The following SEC23A variants were observed in gnomAD, a reference collection of about 807,000 sequenced individuals.
The protein encoded by SEC23A is protein transport protein Sec23A.
SEC23A carries 56 observed loss-of-function variants against 103.7 expected under a neutral mutation model. That is an observed-to-expected ratio of 0.54 (90% CI 0.44 to 0.67). SEC23A has a LOEUF of 0.67. Among genes scored for constraint, SEC23A ranks in the 30% least tolerant of loss-of-function variants. SEC23A has a pLI of 0.00. For synonymous variants in SEC23A, 281 were observed against 293.0 expected, an observed-to-expected ratio of 0.96 and a Z score of 0.42; for missense variants, 784 against 936.4, an observed-to-expected ratio of 0.84 and a Z score of 2.12.
Position 39,093,257 on chromosome 14 carries a change from A to T in SEC23A, c.222-13T>A, listed in dbSNP as rs750460692. 9.3e-6 allele frequency: 15 copies of T among 1,607,574 alleles called. No individual in the cohort carries two copies. In the Admixed American group the frequency reaches 2.5e-4, roughly 27 times the overall value. ...ATAATCCACTTGACTGTTTTAAAAA[A>T]AAAGAAAAGACATATCAGTTCATAT... is the stretch of plus-strand genomic sequence containing the variant. On this transcript the variant is annotated splice_polypyrimidine_tract_variant and intron_variant, in intron 2 of 19. Transcript: ENST00000307712.
intron 13 of SEC23A, among the ~76,000 whole-genome samples, chr14:39,055,741 G>A (rs1200937017): frequency 2.0e-5 from 3 of 152,222 alleles, no homozygotes; most frequent in Non-Finnish European, 2.9e-5. Flanking sequence ...AGAAGCCAGG[G>A]CTCAAAGGAA....
In SEC23A at chr14:39,077,283, C is replaced by T. The variant is rs1887066771; in HGVS notation, c.829-1190G>A. Among the ~76,000 whole-genome samples the T allele has an allele frequency of 5.5e-5, 8 of 146,232 alleles. 1 individual carries two copies. In the South Asian group the frequency reaches 1.8e-3, roughly 32 times the overall value. On this transcript the variant is annotated intron_variant, in intron 7 of 19. Coordinates refer to ENST00000307712, the MANE Select transcript of SEC23A (RefSeq NM_006364.4). ...AAGAGGCCCGGCACGGTGACTCACA[C>T]CTGTAATCCCAGCACTTTCAGAGGC...
intron 1 of SEC23A, among the ~76,000 whole-genome samples, chr14:39,098,150 T>G (rs1887955542): frequency 6.6e-6 from 1 of 151,846 alleles, no homozygotes; most frequent in South Asian, 2.1e-4. Context: ...AAGGGTGGTA[T>G]GAGCTTTCAA....
chr14:39,095,904 G>A lies in SEC23A; in HGVS notation c.215C>T (p.Pro72Leu), dbSNP rs1386418523. 6.2e-7 allele frequency: 1 copy of A among 1,607,532 alleles called. No individual in the cohort carries two copies. Among genetic ancestry groups the A allele is most frequent in the East Asian group, 2.2e-5 (1 of 44,832 alleles). ...SRTTCRAVLN[P>L]LCQVDYRAKL... ...TTCTATATATTTTACTTACCATAAA[G>A]GATTCAAAACTGCACGGCAAGTGGT... Residue 72 changes from proline (P) to leucine (L), a missense_variant, in exon 2 of 20, where the codon CCT (proline) becomes CTT (leucine). Transcript: ENST00000307712.
rs372641646 is a variant in SEC23A, at chr14:39,074,408, T to C, written c.1103+7A>G. 1.9e-6 allele frequency: 3 copies of C among 1,543,312 alleles called. No homozygotes were observed. Among genetic ancestry groups the C allele is most frequent in the Middle Eastern group, 1.7e-4 (1 of 5,928 alleles). On this transcript the variant is annotated splice_region_variant and intron_variant, in intron 9 of 19. Coordinates refer to ENST00000307712, the MANE Select transcript of SEC23A (RefSeq NM_006364.4). Reference sequence around the variant, plus strand: ...ATTACAAAAACTGTAAAAATTTAAATACATACCCAGTAAGGTTGGGACAGC... The same window carrying C: ...ATTACAAAAACTGTAAAAATTTAAACACATACCCAGTAAGGTTGGGACAGC...
At chr14:39,092,732 G>C (rs779742117) in intron 3 of SEC23A, 105 bp from the exon 4 acceptor site, 2 of 677,144 alleles carry the variant, frequency 3.0e-6, no homozygotes, top group Non-Finnish European at 5.1e-6. Flanking sequence ...TTTTAAAAAG[G>C]CATTTTCATT....
chr14:39,067,579 A>C (rs1312335112), intron 9 of SEC23A, among the ~76,000 whole-genome samples: 1 of 152,060 alleles, frequency 6.6e-6, no homozygotes, highest in East Asian at 1.9e-4. Flanking sequence ...CCACCATATT[A>C]CAAAATTCAA....
At chr14:39,083,816 C>T (rs1373955558) in intron 7 of SEC23A, among the ~76,000 whole-genome samples, 3 of 151,890 alleles carry the variant, frequency 2.0e-5, no homozygotes, top group South Asian at 4.1e-4. Flanking sequence ...CCACCCACCT[C>T]GGCCTCCCAC....
rs780598017 is a variant in SEC23A at position 39,093,181 on chromosome 14, T to C, written c.279+6A>G. On this transcript the variant is annotated splice_donor_region_variant and intron_variant, in intron 3 of 19. Transcript: ENST00000307712. Reference sequence around the variant, plus strand: ...TGCGCCCGGCATGCAATGGATGTTTTCTTACCTGATTCCTTTGGTAACAAA... The same window carrying C: ...TGCGCCCGGCATGCAATGGATGTTTCCTTACCTGATTCCTTTGGTAACAAA... The C allele has an allele frequency of 3.2e-5, 51 of 1,612,470 alleles. No individual in the cohort carries two copies. Among genetic ancestry groups the C allele is most frequent in the Non-Finnish European group, 4.2e-5 (50 of 1,179,616 alleles).
In SEC23A at chr14:39,045,649, G is replaced by C. The variant is rs547674515; in HGVS notation, c.1738-325C>G. Among the ~76,000 whole-genome samples, 11 of 152,228 alleles carry C rather than the reference G, an allele frequency of 7.2e-5. No homozygotes were observed. The South Asian group carries it at 2.3e-3, about 32-fold the overall frequency. On this transcript the variant is annotated intron_variant, in intron 15 of 19. Coordinates refer to ENST00000307712, the MANE Select transcript of SEC23A (RefSeq NM_006364.4). ...CTTGGGGCCCAGGAGTTGGAGACCA[G>C]TCTAGGCAACATAACAAGACTTTGT...
rs750853379 is a variant in SEC23A at position 39,059,278 on chromosome 14, T to TAAAAAAAAAAAAAAA, written c.1505+2472_1505+2486dup. Among the ~76,000 whole-genome samples the TAAAAAAAAAAAAAAA allele has an allele frequency of 1.5e-3, 105 of 71,816 alleles. 6 individuals are homozygous for TAAAAAAAAAAAAAAA. Among genetic ancestry groups the TAAAAAAAAAAAAAAA allele is most frequent in the African/African-American group, 4.2e-3 (82 of 19,492 alleles). 47.1% of individuals were successfully genotyped at this position (71,816 alleles called of 152,430 possible). ...GGCCCCTAAAGTCATAGTCCTAGTT[T>TAAAAAAAAAAAAAAA]AAAAAAAAAAAAAAAAAAAAAAAAA... On this transcript the variant is annotated intron_variant, in intron 13 of 19. Coordinates refer to ENST00000307712, the MANE Select transcript of SEC23A (RefSeq NM_006364.4).
At chr14:39,037,691 T>A (rs543013202) in intron 19 of SEC23A, among the ~76,000 whole-genome samples, 1 of 152,334 alleles carries the variant, frequency 6.6e-6, no homozygotes, top group African/African-American at 2.4e-5. Flanking sequence ...TTATCTGATA[T>A]ATGATCTATA....
chr14:39,073,603 CTTTTTTTTTTT>C (rs905464578), intron 9 of SEC23A, among the ~76,000 whole-genome samples: 1 of 83,912 alleles, frequency 1.2e-5, no homozygotes, highest in African/African-American at 4.6e-5. Context: ...TCTGATTCCT[CTTTTTTTTTTT>C]TTTTTTTTTT....
intron 15 of SEC23A, among the ~76,000 whole-genome samples, chr14:39,047,169 C>T (rs1358035022): frequency 6.6e-6 from 1 of 152,170 alleles, no homozygotes; most frequent in South Asian, 2.1e-4. Flanking sequence ...CCAGGGTCCT[C>T]TGCTTCCTAT....
intron 7 of SEC23A, among the ~76,000 whole-genome samples, chr14:39,078,870 T>C (rs950865951): frequency 2.6e-4 from 40 of 152,040 alleles, no homozygotes; most frequent in Admixed American, 2.2e-3. Flanking sequence ...GTAACAAATA[T>C]AGAATAGAAA....
At chr14:39,084,109 C>T (rs1015839165) in intron 7 of SEC23A, among the ~76,000 whole-genome samples, 4 of 152,102 alleles carry the variant, frequency 2.6e-5, no homozygotes, top group East Asian at 1.9e-4. Flanking sequence ...GCAACCTCCA[C>T]CTTCCGGGTT....
intron 18 of SEC23A, 87 bp downstream of exon 18, chr14:39,040,645 C>T (rs535944401): frequency 4.0e-6 from 6 of 1,512,444 alleles, no homozygotes; most frequent in Non-Finnish European, 5.5e-6. Flanking sequence ...CTTTATGAAG[C>T]AATCTATTAA....
chr14:39,080,978 T>C (rs1887206516), intron 7 of SEC23A, among the ~76,000 whole-genome samples: 2 of 151,864 alleles, frequency 1.3e-5, no homozygotes, highest in African/African-American at 4.8e-5. Context: ...GCCAAGGTGG[T>C]AGGATCACTT....
In SEC23A at chr14:39,055,287, A is replaced by C; in HGVS notation, c.1515T>G (p.Asp505Glu). ...RVTTIARNWA[D>E]AQTQIQNIAA... ...CAATGTTTTGGATTTGAGTTTGAGC[A>C]TCTGCCCAGCTGAAGACAATAAGAA... is the stretch of plus-strand genomic sequence containing the variant. The change falls in exon 14 of 20, where the codon GAT becomes GAG. Residue 505 changes from aspartate to glutamate, a missense_variant. This residue lies in a region of SEC23A where 683 missense variants were observed against 774.2 expected (regional missense o/e 0.88). Coordinates refer to ENST00000307712, the MANE Select transcript of SEC23A (RefSeq NM_006364.4). 4 of 1,614,168 alleles carry C rather than the reference A, an allele frequency of 2.5e-6. No homozygotes were observed. Among genetic ancestry groups the C allele is most frequent in the Non-Finnish European group, 3.4e-6 (4 of 1,180,008 alleles).
Sources: gnomAD v4.1 joint callset for allele counts (sites outside exome capture counted in the v4.1 genomes callset) on GRCh38, gnomAD v4.1.1 for gene constraint, gnomAD v4.1.1 regional missense constraint, MANE v1.5 for transcripts, NCBI Gene and HGNC (gene_info 2026-07-23, HGNC 2026-07-21) for gene names.